Variants in MYH16 observed in about 807,000 individuals in gnomAD.
MYH16 encodes the protein myosin heavy chain 16, also known as putative uncharacterized protein MYH16.
intron 18 of MYH16, among the ~76,000 whole-genome samples, chr7:99,267,484 C>T (rs1330792212): frequency 2.6e-5 from 4 of 152,198 alleles, no homozygotes; most frequent in Non-Finnish European, 5.9e-5. Context: ...CCTGCCTCGG[C>T]CTCCCAAAGT....
Position 99,292,509 on chromosome 7 carries a change from G to A in MYH16, n.4149+1G>A. 1 of 463,474 alleles carries A rather than the reference G, an allele frequency of 2.2e-6. No homozygotes were observed. Among genetic ancestry groups the A allele is most frequent in the Non-Finnish European group, 4.3e-6 (1 of 230,202 alleles). The allele number at this position is 463,474 out of a possible 1,614,324, so 28.7% of individuals were successfully genotyped here. ...GGACAGAGGAGCTGGAGGAGACCAAGTGAGTGTGGTCTTCCTGTTGAGAGA... is the reference window on the plus strand; with the variant it reads ...GGACAGAGGAGCTGGAGGAGACCAAATGAGTGTGGTCTTCCTGTTGAGAGA... On this transcript the variant is annotated splice_donor_variant and non_coding_transcript_variant, in intron 32 of 41. Coordinates refer to ENST00000439784, the Ensembl canonical transcript of MYH16.
At chr7:99,263,144 A>G (rs1791953914) in intron 13 of MYH16, among the ~76,000 whole-genome samples, 1 of 152,124 alleles carries the variant, frequency 6.6e-6, no homozygotes, top group Non-Finnish European at 1.5e-5. Context: ...TCCAACTCAG[A>G]TGGGGCTTCA....
At chr7:99,253,766 C>T in exon 8 of MYH16, 1 of 198,118 alleles carries the variant, frequency 5.0e-6, no homozygotes. Flanking sequence ...CAGCAAGCAG[C>T]CGAGAGAAGC....
At chr7:99,247,940 C>A (rs1256853812) in intron 3 of MYH16, among the ~76,000 whole-genome samples, 3 of 152,188 alleles carry the variant, frequency 2.0e-5, no homozygotes, top group Non-Finnish European at 4.4e-5. Flanking sequence ...AGTGAGTGTG[C>A]TGGGCACTTG....
chr7:99,267,545 C>T (rs1791999861), intron 18 of MYH16, among the ~76,000 whole-genome samples: 1 of 152,130 alleles, frequency 6.6e-6, no homozygotes, highest in Non-Finnish European at 1.5e-5. Context: ...CCTGAGTGTC[C>T]AAGAATAAAA....
intron 37 of MYH16, among the ~76,000 whole-genome samples, chr7:99,301,023 C>T (rs1312388546): frequency 4.0e-5 from 6 of 151,724 alleles, no homozygotes; most frequent in Non-Finnish European, 5.9e-5. Context: ...GGCAAAACCC[C>T]ATCTCTACTA....
chr7:99,305,617 A>G (rs1047327274), intron 40 of MYH16: 3 of 152,540 alleles, frequency 2.0e-5, no homozygotes, highest in African/African-American at 7.2e-5. Context: ...CACTGCAGCC[A>G]CAACGCCCCT....
intron 1 of MYH16, among the ~76,000 whole-genome samples, chr7:99,241,522 G>T (rs1791666851): frequency 6.6e-6 from 1 of 152,162 alleles, no homozygotes. Flanking sequence ...GGCGGAGGTT[G>T]CAGTGAGTTG....
downstream of MYH16, chr7:99,311,070 A>T (rs1792754274): frequency 6.6e-6 from 1 of 152,158 alleles, no homozygotes; most frequent in Non-Finnish European, 1.5e-5. Flanking sequence ...AGAATTCCTC[A>T]TGTTGACAAT....
chr7:99,307,698 G>A (rs866135187), downstream of MYH16, among the ~76,000 whole-genome samples: 7 of 152,100 alleles, frequency 4.6e-5, no homozygotes, highest in African/African-American at 1.4e-4. Flanking sequence ...GCAACACAGT[G>A]AGGCCCCATC....
chr7:99,278,362 G>A (rs1342091937), intron 21 of MYH16, among the ~76,000 whole-genome samples: 2 of 152,172 alleles, frequency 1.3e-5, no homozygotes, highest in African/African-American at 2.4e-5. Flanking sequence ...ATCCCCTGGA[G>A]TCAGGGCTGG....
At chr7:99,280,930 T>C in exon 23 of MYH16, 1 of 427,532 alleles carries the variant, frequency 2.3e-6, no homozygotes, top group Non-Finnish European at 4.7e-6. Flanking sequence ...CCGTGAAGAC[T>C]CCATCACCAA....
At chr7:99,291,376 C>T (rs1358026386) in exon 31 of MYH16, 1 of 456,694 alleles carries the variant, frequency 2.2e-6, no homozygotes, top group Non-Finnish European at 4.4e-6. Context: ...CCGGCTCAAT[C>T]AAATCCTACG....
intron 20 of MYH16, among the ~76,000 whole-genome samples, chr7:99,276,854 T>TCA (rs1196773977): frequency 1.5e-5 from 2 of 135,964 alleles, no homozygotes; most frequent in African/African-American, 5.4e-5. Context: ...ACACAGAAAA[T>TCA]GAGAGAGAGA....
rs184310482 is a variant in MYH16, at chr7:99,284,495, G to A, written n.3226-350G>A. ...CCCCAGCTACTAGAGAGGCTGAGGT[G>A]GGAGGATCACTTAAGCCCAGGAGGT... On this transcript the variant is annotated intron_variant and non_coding_transcript_variant, in intron 25 of 41. Coordinates refer to ENST00000439784, the Ensembl canonical transcript of MYH16. Among the ~76,000 whole-genome samples the A allele has an allele frequency of 3.1e-3, 472 of 152,258 alleles. 3 individuals carry two copies. Among genetic ancestry groups the A allele is most frequent in the African/African-American group, 0.011 (450 of 41,560 alleles).
chr7:99,259,023 G>A (rs925751548), intron 11 of MYH16, among the ~76,000 whole-genome samples: 4 of 152,176 alleles, frequency 2.6e-5, no homozygotes, highest in African/African-American at 9.7e-5. Context: ...AGCAAGGGGG[G>A]AGGTGCCAAA....
At chr7:99,239,710 G>A (rs1185400120) in intron 1 of MYH16, among the ~76,000 whole-genome samples, 1 of 152,192 alleles carries the variant, frequency 6.6e-6, no homozygotes, top group African/African-American at 2.4e-5. Context: ...ACAGCCAGTT[G>A]TTAAACCTTG....
chr7:99,257,810 C>T (rs1261344836), intron 10 of MYH16, among the ~76,000 whole-genome samples: 5 of 152,000 alleles, frequency 3.3e-5, no homozygotes, highest in African/African-American at 9.7e-5. Flanking sequence ...CCACGCCTGG[C>T]TAATTTTTTA....
At chr7:99,291,616 G>GAC (rs1554338943) in intron 31 of MYH16, among the ~76,000 whole-genome samples, 166 bp downstream of exon 12, 1 of 29,450 alleles carries the variant, frequency 3.4e-5, no homozygotes, top group South Asian at 7.1e-4. Context: ...AACACAGCAA[G>GAC]ACCCCCCCCC....
Sources: gnomAD v4.1 joint callset for allele counts (sites outside exome capture counted in the v4.1 genomes callset) on GRCh38, gnomAD v4.1.1 for gene constraint, MANE v1.5 for transcripts, NCBI Gene and HGNC (gene_info 2026-07-23, HGNC 2026-07-21) for gene names.